KIF18B: variants seen among roughly 807,000 people sequenced by gnomAD.
KIF18B encodes the protein kinesin family member 18B.
A neutral mutation model predicts 80.9 loss-of-function variants in KIF18B; 49 were observed. The ratio of observed to expected loss-of-function variants is 0.61; its 90% CI spans 0.48 to 0.77. KIF18B has a LOEUF of 0.77. Ranked by LOEUF, KIF18B falls within the 30% of genes least tolerant of loss-of-function variation. The pLI is 0.00. For missense variants in KIF18B, 994 were observed against 1,127.7 expected, an observed-to-expected ratio of 0.88 and a Z score of 1.70; for synonymous variants, 439 against 463.9, an observed-to-expected ratio of 0.95 and a Z score of 0.69.
Position 44,926,494 on chromosome 17 carries a change from G to A in KIF18B, c.2372C>T (p.Ser791Leu). ...ACKKKRVASSSVSHGRSRIAR... is the reference protein window; with the variant it reads ...ACKKKRVASSLVSHGRSRIAR... ...GATGCGGCTGCGGCCATGGGAGACTGAGGAACTGAGGGAGGAAAGGAGGGA... is the reference window on the plus strand; with the variant it reads ...GATGCGGCTGCGGCCATGGGAGACTAAGGAACTGAGGGAGGAAAGGAGGGA... The change falls in exon 15 of 16, where the codon TCA (serine) becomes TTA (leucine). Residue 791 changes from serine to leucine, a missense_variant. Ser to Leu is a moderately radical substitution (Grantham distance 145, BLOSUM62 -2). Transcript: ENST00000593135. 2 of 1,584,078 alleles carry A rather than the reference G, an allele frequency of 1.3e-6. No individual in the cohort carries two copies. The highest frequency in any genetic ancestry group is 1.9e-5 in the Admixed American group (1 of 53,252).
intron 1 of KIF18B, among the ~76,000 whole-genome samples, chr17:44,941,819 T>C (rs566916904): frequency 6.6e-6 from 1 of 152,286 alleles, no homozygotes; most frequent in South Asian, 2.1e-4. Context: ...CAGCCTAACA[T>C]TCTAAGCAGG....
chr17:44,936,416 C>G, intron 1 of KIF18B, 58 bp from the exon 2 acceptor site: 1 of 1,462,516 alleles, frequency 6.8e-7, no homozygotes. Context: ...ACCAGGTGCC[C>G]CCTCAGTACT....
intron 15 of KIF18B, 30 bp downstream of exon 15, chr17:44,926,384 C>CA (rs2052025845): frequency 6.4e-7 from 1 of 1,557,416 alleles, no homozygotes. Context: ...CTCCATGGCC[C>CA]AGGCTATCCC....
rs763447117 is a variant in KIF18B, at chr17:44,928,884, T to G, written c.1658A>C (p.Glu553Ala). ...VQEEKIEPGA[E>A]ALRTSGLARG... ...GGCCAGGCCTGAAGTCCTCAAGGCC[T>G]CTGCCCCAGGCTCAATTTTTTCCTC... is the stretch of plus-strand genomic sequence containing the variant. Residue 553 changes from glutamate to alanine, a missense_variant, in exon 12 of 16, where the codon GAG becomes GCG. Transcript: ENST00000593135. The G allele has an allele frequency of 2.5e-6, 4 of 1,613,928 alleles. No homozygotes were observed.
In KIF18B at chr17:44,926,509, G is replaced by A. The variant is rs909978157; in HGVS notation, c.2367-10C>T. The A allele has an allele frequency of 3.2e-6, 5 of 1,576,458 alleles. No individual in the cohort carries two copies. Among genetic ancestry groups the A allele is most frequent in the Non-Finnish European group, 4.3e-6 (5 of 1,163,630 alleles). On this transcript the variant is annotated splice_polypyrimidine_tract_variant and intron_variant, in intron 14 of 15. Transcript: ENST00000593135. ...ATGGGAGACTGAGGAACTGAGGGAG[G>A]AAAGGAGGGAAGGTGGAAGGTTACG...
At chr17:44,933,854 G>A (rs2052213462) in intron 7 of KIF18B, 69 bp downstream of exon 7, 8 of 1,426,866 alleles carry the variant, frequency 5.6e-6, no homozygotes, top group South Asian at 1.3e-5. Flanking sequence ...GGAGCTGCCT[G>A]GGTCCCACCC....
Position 44,934,412 on chromosome 17 carries a change from C to T in KIF18B, c.706G>A (p.Asp236Asn), listed in dbSNP as rs1381366030. Reference sequence around the variant, plus strand: ...GCCTGGGTCAGTCCTGGAACCCGGTCCTGCTGCTTCACAAAGATCTGAAGG... The same window carrying T: ...GCCTGGGTCAGTCCTGGAACCCGGTTCTGCTGCTTCACAAAGATCTGAAGG... Reference protein sequence around the residue: ...AIFQIFVKQQDRVPGLTQAVQ... With the variant: ...AIFQIFVKQQNRVPGLTQAVQ... The change falls in exon 6 of 16, where the codon GAC becomes AAC. Residue 236 changes from aspartate to asparagine, a missense_variant. Coordinates refer to ENST00000593135, the MANE Select transcript of KIF18B (RefSeq NM_001265577.2). This position sits in a 1 kb window ranked among gnomAD's most constrained non-coding sequence, Gnocchi z 5.4. 4.4e-6 allele frequency: 7 copies of T among 1,606,064 alleles called. No homozygotes were observed. Among genetic ancestry groups the T allele is most frequent in the Non-Finnish European group, 6.0e-6 (7 of 1,176,010 alleles).
intron 12 of KIF18B, 47 bp from the exon 13 acceptor site, chr17:44,928,625 T>C (rs2052082868): frequency 6.9e-7 from 1 of 1,438,898 alleles, no homozygotes. Flanking sequence ...AGCCAGACAC[T>C]GGAGACATGA....
At chr17:44,931,326 C>A (rs990090870) in intron 11 of KIF18B, among the ~76,000 whole-genome samples, 1 of 152,220 alleles carries the variant, frequency 6.6e-6, no homozygotes, top group African/African-American at 2.4e-5. Flanking sequence ...AAGCCCCAGC[C>A]GCCCTGCCCT....
In KIF18B at chr17:44,932,737, C is replaced by A. The variant is rs138535921; in HGVS notation, c.1174G>T (p.Gly392Trp). 108 of 1,613,360 alleles carry A rather than the reference C, an allele frequency of 6.7e-5. No homozygotes were observed. Among genetic ancestry groups the A allele is most frequent in the Admixed American group, 4.8e-4 (29 of 59,990 alleles). Residue 392 changes from glycine (G) to tryptophan (W), a missense_variant, in exon 9 of 16, where the codon GGG (glycine) becomes TGG (tryptophan). Gly to Trp is a radical substitution (Grantham distance 184). Coordinates refer to ENST00000593135, the MANE Select transcript of KIF18B (RefSeq NM_001265577.2). ...TCCTGTGGTGGGGGCTGGCCTCCCC[C>A]CTCATACACTTGGAGCTTCTTCCTC... is the stretch of plus-strand genomic sequence containing the variant. ...ALRKKLQVYEGGGQPPPQDLP... is the reference protein window; with the variant it reads ...ALRKKLQVYEWGGQPPPQDLP...
intron 1 of KIF18B, among the ~76,000 whole-genome samples, chr17:44,937,512 C>G (rs953705623): frequency 6.6e-6 from 1 of 152,102 alleles, no homozygotes; most frequent in African/African-American, 2.4e-5. Context: ...TACTTAATTG[C>G]TCCCGTGGAT....
In KIF18B at chr17:44,939,366, C is replaced by CAAAAAAAAAAAAAAAA. The variant is rs781348504; in HGVS notation, c.-14-3024_-14-3009dup. On this transcript the variant is annotated intron_variant, in intron 1 of 15. Transcript: ENST00000593135. ...AGCCTGGGTGACAGAGACTCCATCT[C>CAAAAAAAAAAAAAAAA]AAAAAAAAAAAAAAAAAAAAAAAAA... is the stretch of plus-strand genomic sequence containing the variant. 6.8e-4 allele frequency among the ~76,000 whole-genome samples: 25 copies of CAAAAAAAAAAAAAAAA among 36,948 alleles called. 3 individuals are homozygous for CAAAAAAAAAAAAAAAA. Among genetic ancestry groups the CAAAAAAAAAAAAAAAA allele is most frequent in the African/African-American group, 1.2e-3 (11 of 9,548 alleles). 24.2% of individuals were successfully genotyped at this position (36,948 alleles called of 152,430 possible).
chr17:44,943,853 G>A (rs2052464108), intron 1 of KIF18B, among the ~76,000 whole-genome samples: 1 of 152,044 alleles, frequency 6.6e-6, no homozygotes, highest in Admixed American at 6.6e-5. Flanking sequence ...CCAGTAGCTG[G>A]GACCACAGGT....
At chr17:44,943,249 G>A (rs1027903584) in intron 1 of KIF18B, among the ~76,000 whole-genome samples, 4 of 151,982 alleles carry the variant, frequency 2.6e-5, no homozygotes, top group South Asian at 2.1e-4. Flanking sequence ...ACAGGCGCCC[G>A]CCACCACGCC....
At chr17:44,935,052 C>T (rs1274265707) in intron 3 of KIF18B, 117 bp from the exon 4 acceptor site, 10 of 899,314 alleles carry the variant, frequency 1.1e-5, no homozygotes, top group East Asian at 5.3e-5. Flanking sequence ...ACAGAAGTGG[C>T]GCTTCCCAGG....
chr17:44,928,023 C>T lies in KIF18B; in HGVS notation c.2276+3G>A, dbSNP rs931802860. Reference sequence around the variant, plus strand: ...AGGGGTGGAGCGAGACTGGGAGACCCACCTGGGGATGAAGGGCTGGTCCAG... The same window carrying T: ...AGGGGTGGAGCGAGACTGGGAGACCTACCTGGGGATGAAGGGCTGGTCCAG... On this transcript the variant is annotated splice_donor_region_variant and intron_variant, in intron 13 of 15. Coordinates refer to ENST00000593135, the MANE Select transcript of KIF18B (RefSeq NM_001265577.2). The T allele has an allele frequency of 6.6e-7, 1 of 1,514,216 alleles. No homozygotes were observed. Among genetic ancestry groups the T allele is most frequent in the Non-Finnish European group, 8.8e-7 (1 of 1,132,030 alleles). 93.8% of individuals were successfully genotyped at this position (1,514,216 alleles called of 1,614,324 possible).
rs1157524206 is a variant in KIF18B, at chr17:44,935,428, A to G, written c.314-12T>C. Reference sequence around the variant, plus strand: ...CCCGTAGGCAAACACTGCAGAGGACATAGTAAGGAGGAGGACCCCAGTGCC... The same window carrying G: ...CCCGTAGGCAAACACTGCAGAGGACGTAGTAAGGAGGAGGACCCCAGTGCC... On this transcript the variant is annotated splice_polypyrimidine_tract_variant and intron_variant, in intron 2 of 15. Transcript: ENST00000593135. 1 of 1,588,832 alleles carries G rather than the reference A, an allele frequency of 6.3e-7. No individual in the cohort carries two copies. Among genetic ancestry groups the G allele is most frequent in the East Asian group, 2.3e-5 (1 of 44,350 alleles).
intron 7 of KIF18B, among the ~76,000 whole-genome samples, chr17:44,933,457 C>T (rs972624705): frequency 5.9e-5 from 9 of 152,028 alleles, no homozygotes; most frequent in African/African-American, 1.4e-4. Flanking sequence ...GGGACTGTGT[C>T]GCTTCTATCA....
chr17:44,934,640 C>G lies in KIF18B; in HGVS notation c.577-23G>C. ...TGGCTACAGAGGAGAAGCCCAGGAACGGGGCTGTGGGTTCCCGGATCAGGA... is the reference window on the plus strand; with the variant it reads ...TGGCTACAGAGGAGAAGCCCAGGAAGGGGGCTGTGGGTTCCCGGATCAGGA... On this transcript the variant is annotated intron_variant, in intron 4 of 15. Transcript: ENST00000593135. The surrounding 1 kb of genome is among the most constrained non-coding windows in gnomAD (Gnocchi z 5.4). The G allele has an allele frequency of 6.4e-7, 1 of 1,566,596 alleles. No homozygotes were observed. Among genetic ancestry groups the G allele is most frequent in the East Asian group, 2.3e-5 (1 of 43,680 alleles).
Sources: allele counts gnomAD v4.1 joint callset (sites outside exome capture counted in the v4.1 genomes callset), GRCh38; gene constraint gnomAD v4.1.1; non-coding constraint Gnocchi (gnomAD v3.1); transcripts MANE v1.5; gene names NCBI Gene and HGNC (gene_info 2026-07-23, HGNC 2026-07-21).